Variants in USP49 observed in about 807,000 individuals in gnomAD.
USP49 encodes the protein ubiquitin carboxyl-terminal hydrolase 49.
Under a neutral mutation model 58.6 loss-of-function variants are expected in USP49, and 24 were observed. The ratio of observed to expected loss-of-function variants is 0.41; its 90% CI spans 0.30 to 0.58. The LOEUF is 0.58. Ranked by LOEUF, USP49 falls within the 20% of genes least tolerant of loss-of-function variation. The pLI is 0.30. For missense variants in USP49, 703 were observed against 866.1 expected (o/e 0.81, Z 2.36); for synonymous variants, 408 against 365.1 (o/e 1.12, Z -1.34).
intron 3 of USP49, among the ~76,000 whole-genome samples, chr6:41,867,384 G>A (rs1444034813): frequency 6.6e-6 from 1 of 152,042 alleles, no homozygotes; most frequent in Admixed American, 6.6e-5. Flanking sequence ...CAATCTTTCT[G>A]TCTGCAAGTT....
At chr6:41,826,686 A>G (rs777880213) in intron 3 of USP49, among the ~76,000 whole-genome samples, 1 of 152,200 alleles carries the variant, frequency 6.6e-6, no homozygotes, top group Non-Finnish European at 1.5e-5. Context: ...TCCATCTGCT[A>G]AAAATACTAA....
Position 41,802,915 on chromosome 6 carries a change from C to T in USP49, c.1561+891G>A, listed in dbSNP as rs73424048. On this transcript the variant is annotated intron_variant, in intron 5 of 7. Transcript: ENST00000682992. ...GACCCTCTCTGAAATGTGAACTTTT[C>T]AGGCATGTGAACAATAAAAACAAAA... Among the ~76,000 whole-genome samples the T allele has an allele frequency of 8.9e-3, 1,353 of 152,260 alleles. 27 individuals carry two copies. Among genetic ancestry groups the T allele is most frequent in the African/African-American group, 0.031 (1,301 of 41,538 alleles).
intron 3 of USP49, among the ~76,000 whole-genome samples, chr6:41,821,912 G>A (rs549076515): frequency 3.7e-4 from 56 of 151,994 alleles, no homozygotes; most frequent in Admixed American, 8.5e-4. Context: ...TCACATAAAG[G>A]TTACCCCCAG....
intron 3 of USP49, among the ~76,000 whole-genome samples, chr6:41,868,086 C>A (rs530657531): frequency 4.6e-4 from 70 of 152,262 alleles, no homozygotes; most frequent in African/African-American, 1.4e-3. Context: ...CCAGCACTCC[C>A]CTGGTCAATA....
chr6:41,816,701 T>TATATTA (rs1240990981), intron 3 of USP49, among the ~76,000 whole-genome samples: 2 of 100,054 alleles, frequency 2.0e-5, no homozygotes, highest in Non-Finnish European at 4.0e-5. Context: ...AGTTCCACAC[T>TATATTA]CTATTATTAT....
intron 3 of USP49, among the ~76,000 whole-genome samples, chr6:41,833,384 G>C (rs975394229): frequency 6.6e-6 from 1 of 152,014 alleles, no homozygotes; most frequent in African/African-American, 2.4e-5. Flanking sequence ...TTCAATAGCA[G>C]CTAGAAAAAA....
intron 1 of USP49, among the ~76,000 whole-genome samples, chr6:41,892,764 T>G (rs1005218334): frequency 6.6e-6 from 1 of 152,186 alleles, no homozygotes; most frequent in African/African-American, 2.4e-5. Flanking sequence ...AAAAAAAAAG[T>G]ATCTTTGTGC....
At chr6:41,893,761 T>C (rs986518479) in intron 1 of USP49, among the ~76,000 whole-genome samples, 1 of 152,190 alleles carries the variant, frequency 6.6e-6, no homozygotes, top group Non-Finnish European at 1.5e-5. Context: ...GGAAGCAGAT[T>C]CAAGATTTCT....
At chr6:41,881,302 A>AAAAAAAAAAAAAAAAAAAAC (rs1343823356) in intron 2 of USP49, among the ~76,000 whole-genome samples, 1 of 145,930 alleles carries the variant, frequency 6.9e-6, no homozygotes, top group Non-Finnish European at 1.5e-5. Flanking sequence ...AAAAAAAAAA[A>AAAAAAAAAAAAAAAAAAAAC]AAAAAAAAAA....
chr6:41,796,322 T>A lies in USP49; in HGVS notation c.*211A>T. 2.0e-6 allele frequency: 1 copy of A among 493,078 alleles called. No homozygotes were observed. The highest frequency in any genetic ancestry group is 3.6e-6 in the Non-Finnish European group (1 of 276,284). The allele number at this position is 493,078 out of a possible 1,614,324, so 30.5% of individuals were successfully genotyped here. A position where few individuals can be genotyped will look rare whatever the true frequency, so the allele number is the denominator to read the frequency against. ...AAGGATCTTCATAGAAGTTACTTCTTTTGTTTTTAGGAAAGGAGGGAACTC... is the reference window on the plus strand; with the variant it reads ...AAGGATCTTCATAGAAGTTACTTCTATTGTTTTTAGGAAAGGAGGGAACTC... On this transcript the variant is annotated 3_prime_UTR_variant, in exon 8 of 8. Transcript: ENST00000682992.
At chr6:41,891,001 A>ATGT (rs1345831227) in intron 2 of USP49, among the ~76,000 whole-genome samples, 5 of 152,246 alleles carry the variant, frequency 3.3e-5, no homozygotes, top group Non-Finnish European at 7.3e-5. Context: ...AGAAGCATGC[A>ATGT]ACAACCTTGA....
At chr6:41,864,361 G>C (rs143272958) in intron 3 of USP49, among the ~76,000 whole-genome samples, 1 of 152,022 alleles carries the variant, frequency 6.6e-6, no homozygotes, top group East Asian at 1.9e-4. Flanking sequence ...TCAGGAGTTC[G>C]AGACCGGCCT....
At chr6:41,884,032 G>GA (rs1012601596) in intron 2 of USP49, among the ~76,000 whole-genome samples, 2 of 147,576 alleles carry the variant, frequency 1.4e-5, no homozygotes. Flanking sequence ...ATCTTTTTTT[G>GA]TTTTTTTTTT....
intron 3 of USP49, among the ~76,000 whole-genome samples, chr6:41,811,808 A>G (rs1035900168): frequency 6.6e-6 from 1 of 152,220 alleles, no homozygotes; most frequent in African/African-American, 2.4e-5. Flanking sequence ...CTTAGTACCA[A>G]CTAAGGGTAC....
At chr6:41,869,274 T>G (rs1415206685) in intron 3 of USP49, among the ~76,000 whole-genome samples, 1 of 152,090 alleles carries the variant, frequency 6.6e-6, no homozygotes, top group Non-Finnish European at 1.5e-5. Flanking sequence ...CAGTGGTACC[T>G]ATAGTCCCAG....
intron 3 of USP49, among the ~76,000 whole-genome samples, chr6:41,864,068 A>T (rs1197887240): frequency 6.6e-6 from 1 of 152,050 alleles, no homozygotes; most frequent in Non-Finnish European, 1.5e-5. Flanking sequence ...CCTGGCCATA[A>T]ACCTCAACAG....
chr6:41,882,102 A>G (rs1774618424), intron 2 of USP49, among the ~76,000 whole-genome samples: 1 of 152,134 alleles, frequency 6.6e-6, no homozygotes. Flanking sequence ...CCATCCTGCC[A>G]TATCTTAAGA....
intron 1 of USP49, chr6:41,894,529 C>G (rs1774863449): frequency 6.6e-6 from 1 of 152,552 alleles, no homozygotes; most frequent in African/African-American, 2.4e-5. Flanking sequence ...CACCGTTGGT[C>G]CCAGTCCTTC....
chr6:41,818,265 C>G (rs1773392032), intron 3 of USP49, among the ~76,000 whole-genome samples: 1 of 152,144 alleles, frequency 6.6e-6, no homozygotes, highest in South Asian at 2.1e-4. Context: ...AGGAGGATAG[C>G]TGACTGGAGG....
Sources: allele counts gnomAD v4.1 joint callset (sites outside exome capture counted in the v4.1 genomes callset), GRCh38; gene constraint gnomAD v4.1.1; transcripts MANE v1.5; gene names NCBI Gene and HGNC (gene_info 2026-07-23, HGNC 2026-07-21).